The following BRIP1 variants were observed in gnomAD, a reference collection of about 807,000 sequenced individuals.
The protein encoded by BRIP1 is BRCA1 interacting DNA helicase 1.
A neutral mutation model predicts 119.7 loss-of-function variants in BRIP1; 88 were observed. The ratio of observed to expected loss-of-function variants is 0.74; its 90% CI spans 0.62 to 0.88. The LOEUF is 0.88. Ranked by LOEUF, BRIP1 falls within the 40% of genes least tolerant of loss-of-function variation. The pLI, the probability that BRIP1 is intolerant of heterozygous loss-of-function variation, is 0.00. For synonymous variants in BRIP1, 443 were observed against 496.5 expected, an observed-to-expected ratio of 0.89 and a Z score of 1.43; for missense variants, 1,259 against 1,455.4, an observed-to-expected ratio of 0.87 and a Z score of 2.20.
In BRIP1 at chr17:61,735,703, A is replaced by G. The variant is rs1339565055; in HGVS notation, c.2379+7310T>C. 6.6e-6 allele frequency among the ~76,000 whole-genome samples: 1 copy of G among 151,912 alleles called. No homozygotes were observed. The highest frequency in any genetic ancestry group is 6.6e-5 in the Admixed American group (1 of 15,260). On this transcript the variant is annotated intron_variant, in intron 16 of 19. Transcript: ENST00000259008. The surrounding 1 kb of genome is among the most constrained non-coding windows in gnomAD (Gnocchi z 4.4). ...GTAGTGCCAGCTACCCAGGAGGCTG[A>G]GGTGGGAGGATCACCTGAGCCCGAG... is the stretch of plus-strand genomic sequence containing the variant.
Position 61,845,121 on chromosome 17 carries a change from T to A in BRIP1, c.627+1980A>T, listed in dbSNP as rs1162882829. ...GGAAAGAAAATGAATGAGAAAACAC[T>A]GTGGCAGAGCTCAACATATAGCTTA... On this transcript the variant is annotated intron_variant, in intron 6 of 19. Coordinates refer to ENST00000259008, the MANE Select transcript of BRIP1 (RefSeq NM_032043.3). This position sits in a 1 kb window ranked among gnomAD's most constrained non-coding sequence, Gnocchi z 4.2. Among the ~76,000 whole-genome samples, 2 of 152,206 alleles carry A rather than the reference T, an allele frequency of 1.3e-5. No individual in the cohort carries two copies. Among genetic ancestry groups the A allele is most frequent in the African/African-American group, 4.8e-5 (2 of 41,438 alleles).
In BRIP1 at chr17:61,805,560, T is replaced by A. The variant is rs904463112; in HGVS notation, c.918+2907A>T. Reference sequence around the variant, plus strand: ...CTGGTCCCTCCTTGCTAATTACTTGTCTGACTGAGAAAACTCCAGGGCCCA... The same window carrying A: ...CTGGTCCCTCCTTGCTAATTACTTGACTGACTGAGAAAACTCCAGGGCCCA... On this transcript the variant is annotated intron_variant, in intron 7 of 19. Transcript: ENST00000259008. This position sits in a 1 kb window ranked among gnomAD's most constrained non-coding sequence, Gnocchi z 5.6. Among the ~76,000 whole-genome samples, 3 of 152,156 alleles carry A rather than the reference T, an allele frequency of 2.0e-5. No individual in the cohort carries two copies. Among genetic ancestry groups the A allele is most frequent in the Non-Finnish European group, 4.4e-5 (3 of 68,022 alleles).
Position 61,693,661 on chromosome 17 carries a change from A to AGAAAAGTT in BRIP1, c.2493-150_2493-149insAACTTTTC. On this transcript the variant is annotated intron_variant, in intron 17 of 19. Transcript: ENST00000259008. This position sits in a 1 kb window ranked among gnomAD's most constrained non-coding sequence, Gnocchi z 4.2. ...ATCAGAAAAGTTACAGAAGCTATCC[A>AGAAAAGTT]ACACAATGTAACAAACTAGATGTAT... 1 of 668,860 alleles carries AGAAAAGTT rather than the reference A, an allele frequency of 1.5e-6. No individual in the cohort carries two copies. The highest frequency in any genetic ancestry group is 2.6e-6 in the Non-Finnish European group (1 of 387,710). The allele number at this position is 668,860 out of a possible 1,614,324, so 41.4% of individuals were successfully genotyped here.
rs2078025365 is a variant in BRIP1 at position 61,803,414 on chromosome 17, C to A, written c.919-1940G>T. Among the ~76,000 whole-genome samples the A allele has an allele frequency of 6.6e-6, 1 of 152,036 alleles. No individual in the cohort carries two copies. The highest frequency in any genetic ancestry group is 1.5e-5 in the Non-Finnish European group (1 of 67,998). ...TCTATCACTGGAAATAAAAAAATTT[C>A]ATTACAGGCTGGGCACAGTGGCTCA... On this transcript the variant is annotated intron_variant, in intron 7 of 19. Coordinates refer to ENST00000259008, the MANE Select transcript of BRIP1 (RefSeq NM_032043.3). The surrounding 1 kb of genome is among the most constrained non-coding windows in gnomAD (Gnocchi z 4.3).
intron 6 of BRIP1, among the ~76,000 whole-genome samples, chr17:61,812,010 A>G (rs1331803810): frequency 1.3e-5 from 2 of 152,192 alleles, no homozygotes; most frequent in Non-Finnish European, 2.9e-5. Flanking sequence ...AGAAAAACTG[A>G]TTGTAGTAAT....
At chr17:61,772,250 T>C (rs914340891) in intron 14 of BRIP1, among the ~76,000 whole-genome samples, 21 of 144,552 alleles carry the variant, frequency 1.5e-4, no homozygotes, top group Non-Finnish European at 1.8e-4. Context: ...TTCCGATGTA[T>C]GCTACAAGAT....
At chr17:61,711,138 T>C (rs938353299) in intron 17 of BRIP1, among the ~76,000 whole-genome samples, 1 of 151,654 alleles carries the variant, frequency 6.6e-6, no homozygotes, top group African/African-American at 2.4e-5. Flanking sequence ...CTGGAAGTGA[T>C]TGGTAGAAGA....
At chr17:61,859,309 C>T (rs2078941618) in intron 3 of BRIP1, among the ~76,000 whole-genome samples, 1 of 152,052 alleles carries the variant, frequency 6.6e-6, no homozygotes, top group Admixed American at 6.6e-5. Flanking sequence ...CTTTTACATA[C>T]AAATTATCAT....
At position 61,789,026 on chromosome 17, in the gene BRIP1, C is replaced by T. The variant is rs1010508697; in HGVS notation, c.1473+4571G>A. Among the ~76,000 whole-genome samples, 4 of 151,908 alleles carry T rather than the reference C, an allele frequency of 2.6e-5. No homozygotes were observed. Among genetic ancestry groups the T allele is most frequent in the African/African-American group, 9.7e-5 (4 of 41,358 alleles). On this transcript the variant is annotated intron_variant, in intron 10 of 19. Transcript: ENST00000259008. This position sits in a 1 kb window ranked among gnomAD's most constrained non-coding sequence, Gnocchi z 4.8. The stretch of plus-strand genomic sequence containing the variant: ...ACAAGAATTGCCTGAACCTGGGAGG[C>T]GGAGGTTGCAGTGGGCTGAGATCAC...
Position 61,703,925 on chromosome 17 carries a change from C to A in BRIP1, c.2493-10413G>T, listed in dbSNP as rs928602701. ...GCTTTTGAGGACTTAGTCACAAATT[C>A]TTTGCCAAATCTGATGTTTAGAACA... is the stretch of plus-strand genomic sequence containing the variant. On this transcript the variant is annotated intron_variant, in intron 17 of 19. Transcript: ENST00000259008. The surrounding 1 kb of genome is among the most constrained non-coding windows in gnomAD (Gnocchi z 5.0). Among the ~76,000 whole-genome samples the A allele has an allele frequency of 2.6e-5, 4 of 152,154 alleles. No individual in the cohort carries two copies. The highest frequency in any genetic ancestry group is 9.7e-5 in the African/African-American group (4 of 41,444).
Position 61,825,485 on chromosome 17 carries a change from A to G in BRIP1, c.628-16728T>C, listed in dbSNP as rs2078392115. ...TATATCTAGAAAACTCCACAGTCTC[A>G]GCCCAAAACCTCCTTAAGCTGATAA... On this transcript the variant is annotated intron_variant, in intron 6 of 19. Coordinates refer to ENST00000259008, the MANE Select transcript of BRIP1 (RefSeq NM_032043.3). The surrounding 1 kb of genome is among the most constrained non-coding windows in gnomAD (Gnocchi z 4.1). 6.6e-6 allele frequency among the ~76,000 whole-genome samples: 1 copy of G among 151,954 alleles called. No homozygotes were observed.
rs1039176231 is a variant in BRIP1, at chr17:61,803,336, G to A, written c.919-1862C>T. Among the ~76,000 whole-genome samples, 7 of 151,942 alleles carry A rather than the reference G, an allele frequency of 4.6e-5. No individual in the cohort carries two copies. The highest frequency in any genetic ancestry group is 1.9e-4 in the East Asian group (1 of 5,158). On this transcript the variant is annotated intron_variant, in intron 7 of 19. Transcript: ENST00000259008. This position sits in a 1 kb window ranked among gnomAD's most constrained non-coding sequence, Gnocchi z 4.3. Reference sequence around the variant, plus strand: ...TGAACTCAAGCGATCCGCCTGCCTCGGCCTCCCAAAGTGCTGGGGATTACA... The same window carrying A: ...TGAACTCAAGCGATCCGCCTGCCTCAGCCTCCCAAAGTGCTGGGGATTACA...
chr17:61,749,492 GA>G (rs1296909389), intron 14 of BRIP1, among the ~76,000 whole-genome samples: 1 of 152,062 alleles, frequency 6.6e-6, no homozygotes, highest in African/African-American at 2.4e-5. Context: ...CAGGTATATG[GA>G]AAGATGCTCA....
At position 61,700,110 on chromosome 17, in the gene BRIP1, G is replaced by A. The variant is rs958673227; in HGVS notation, c.2493-6598C>T. Among the ~76,000 whole-genome samples, 1 of 152,080 alleles carries A rather than the reference G, an allele frequency of 6.6e-6. No individual in the cohort carries two copies. On this transcript the variant is annotated intron_variant, in intron 17 of 19. Coordinates refer to ENST00000259008, the MANE Select transcript of BRIP1 (RefSeq NM_032043.3). This position sits in a 1 kb window ranked among gnomAD's most constrained non-coding sequence, Gnocchi z 4.1. The stretch of plus-strand genomic sequence containing the variant: ...AGTTATATCCTGAGGCTATCTAACT[G>A]TTCCAAGTGAATTGCTGAACCTGAA...
rs1441507747 is a variant in BRIP1 at position 61,680,544 on chromosome 17, A to G, written c.*2752T>C. 7.2e-6 allele frequency among the ~76,000 whole-genome samples: 1 copy of G among 139,678 alleles called. No homozygotes were observed. Among genetic ancestry groups the G allele is most frequent in the African/African-American group, 2.8e-5 (1 of 36,292 alleles). The allele number at this position is 139,678 out of a possible 152,430, so 91.6% of individuals were successfully genotyped here. ...GCCCAGGCTGGAGTGCAGTGGCGCA[A>G]TCTCGGCTCACTGCAAGCTCCACCT... On this transcript the variant is annotated 3_prime_UTR_variant, in exon 20 of 20. Transcript: ENST00000259008.
chr17:61,816,401 C>A lies in BRIP1; in HGVS notation c.628-7644G>T, dbSNP rs1194806675. 6.6e-6 allele frequency among the ~76,000 whole-genome samples: 1 copy of A among 152,198 alleles called. No individual in the cohort carries two copies. ...TGAAGGTTGTAAGCAATATGTTAAACTGCAGTGGGCTAGCACATTAAGACA... is the reference window on the plus strand; with the variant it reads ...TGAAGGTTGTAAGCAATATGTTAAAATGCAGTGGGCTAGCACATTAAGACA... On this transcript the variant is annotated intron_variant, in intron 6 of 19. Coordinates refer to ENST00000259008, the MANE Select transcript of BRIP1 (RefSeq NM_032043.3). This position sits in a 1 kb window ranked among gnomAD's most constrained non-coding sequence, Gnocchi z 5.0.
chr17:61,697,856 A>G (rs899929192), intron 17 of BRIP1, among the ~76,000 whole-genome samples: 3 of 151,798 alleles, frequency 2.0e-5, no homozygotes, highest in Non-Finnish European at 4.4e-5. Flanking sequence ...GCCAGGATGG[A>G]GTGCAGTGGC....
At position 61,703,429 on chromosome 17, in the gene BRIP1, C is replaced by A. The variant is rs956949585; in HGVS notation, c.2493-9917G>T. Among the ~76,000 whole-genome samples, 1 of 152,194 alleles carries A rather than the reference C, an allele frequency of 6.6e-6. No individual in the cohort carries two copies. Among genetic ancestry groups the A allele is most frequent in the African/African-American group, 2.4e-5 (1 of 41,462 alleles). On this transcript the variant is annotated intron_variant, in intron 17 of 19. Transcript: ENST00000259008. This position sits in a 1 kb window ranked among gnomAD's most constrained non-coding sequence, Gnocchi z 5.0. ...GAACATTTTTTCATATGCTTCTTGG[C>A]CACATGCATGTCTCCTTTTGAGAAA...
chr17:61,861,658 A>G lies in BRIP1; in HGVS notation c.-30-89T>C. 2.7e-6 allele frequency: 2 copies of G among 732,274 alleles called. No individual in the cohort carries two copies. The highest frequency in any genetic ancestry group is 1.8e-5 in the African/African-American group (1 of 56,528). 45.4% of individuals were successfully genotyped at this position (732,274 alleles called of 1,614,324 possible). ...AACTAAGGGAGAAATCTGGAAACAG[A>G]AACTGGAATTAATAAAAGTATAAAC... On this transcript the variant is annotated intron_variant, in intron 1 of 19. Transcript: ENST00000259008. The surrounding 1 kb of genome is among the most constrained non-coding windows in gnomAD (Gnocchi z 4.5).
Sources: gnomAD v4.1 joint callset for allele counts (sites outside exome capture counted in the v4.1 genomes callset) on GRCh38, gnomAD v4.1.1 for gene constraint, Gnocchi (gnomAD v3.1) non-coding constraint, MANE v1.5 for transcripts, NCBI Gene and HGNC (gene_info 2026-07-23, HGNC 2026-07-21) for gene names.